BCR: variants seen among roughly 807,000 people sequenced by gnomAD.
The protein encoded by BCR is BCR activator of RhoGEF and GTPase.
In BCR, 58 loss-of-function variants were observed where a neutral mutation model predicts 138.6. The observed-to-expected ratio is 0.42, with a 90% confidence interval of 0.34 to 0.52. BCR has a LOEUF of 0.52. Ranked by LOEUF, BCR falls within the 20% of genes least tolerant of loss-of-function variation. The pLI, the probability that BCR is intolerant of heterozygous loss-of-function variation, is 0.06. For missense variants in BCR, 1,599 were observed against 1,727.2 expected (o/e 0.93, Z 1.32); for synonymous variants, 786 against 730.1 (o/e 1.08, Z -1.23).
At chr22:23,311,987 A>C in intron 19 of BCR, 151 bp downstream of exon 19, 2 of 1,402,546 alleles carry the variant, frequency 1.4e-6, no homozygotes, top group South Asian at 3.1e-5. Flanking sequence ...AGAGAAGACA[A>C]GAGTTGTAGA....
intron 11 of BCR, 89 bp downstream of exon 11, chr22:23,287,367 C>A (rs774101307): frequency 1.4e-6 from 2 of 1,437,686 alleles, no homozygotes; most frequent in Non-Finnish European, 1.8e-6. Flanking sequence ...CACTTGGATG[C>A]GCCCCACTCT....
At chr22:23,263,319 T>G (rs2073393720) in intron 4 of BCR, 1 of 1,181,384 alleles carries the variant, frequency 8.5e-7, no homozygotes, top group Non-Finnish European at 1.2e-6. Flanking sequence ...CTTCACCAAC[T>G]GCGACCTGCT....
At chr22:23,279,803 G>A (rs1039066710) in intron 8 of BCR, among the ~76,000 whole-genome samples, 1 of 152,210 alleles carries the variant, frequency 6.6e-6, no homozygotes, top group Admixed American at 6.5e-5. Context: ...GGAGCATGTC[G>A]TAGTCGGTTC....
intron 1 of BCR, among the ~76,000 whole-genome samples, chr22:23,224,608 GC>G (rs1408062197): frequency 6.6e-6 from 1 of 152,224 alleles, no homozygotes; most frequent in Admixed American, 6.5e-5. Flanking sequence ...GAGGCCGGGG[GC>G]TGTAGCTCAC....
At chr22:23,285,569 T>G (rs769213763) in intron 10 of BCR, among the ~76,000 whole-genome samples, 1 of 152,200 alleles carries the variant, frequency 6.6e-6, no homozygotes, top group African/African-American at 2.4e-5. Context: ...GAGAGAAACT[T>G]GTTTAAACTG....
intron 4 of BCR, among the ~76,000 whole-genome samples, chr22:23,267,130 G>A (rs768059739): frequency 2.0e-5 from 3 of 152,166 alleles, no homozygotes; most frequent in East Asian, 1.9e-4. Context: ...GGGCAGCGCC[G>A]TGTCTGAATT....
intron 8 of BCR, among the ~76,000 whole-genome samples, chr22:23,276,866 G>A (rs938268704): frequency 2.0e-5 from 3 of 152,248 alleles, no homozygotes; most frequent in Admixed American, 2.0e-4. Context: ...TACTGATTTG[G>A]GGACACCCTT....
intron 19 of BCR, among the ~76,000 whole-genome samples, chr22:23,312,140 G>C (rs773583534): frequency 6.6e-6 from 1 of 152,216 alleles, no homozygotes; most frequent in Non-Finnish European, 1.5e-5. Context: ...AGTGCAGTCT[G>C]TCCCCTGCCA....
chr22:23,244,418 A>G (rs1452564642), intron 1 of BCR, among the ~76,000 whole-genome samples: 1 of 152,148 alleles, frequency 6.6e-6, no homozygotes, highest in Non-Finnish European at 1.5e-5. Flanking sequence ...TGGTGTCCTC[A>G]GGGGAGCCAG....
chr22:23,206,667 T>C (rs8138947), intron 1 of BCR, among the ~76,000 whole-genome samples: 10,627 of 151,582 alleles, frequency 0.07, 1,239 homozygotes, highest in African/African-American at 0.24. Flanking sequence ...GTGTTAAAAC[T>C]CAGAAACCTT....
intron 2 of BCR, among the ~76,000 whole-genome samples, chr22:23,256,694 G>A (rs982402067): frequency 6.6e-6 from 1 of 152,124 alleles, no homozygotes; most frequent in African/African-American, 2.4e-5. Flanking sequence ...AGATTAGGGG[G>A]ACTAGGAGGA....
In BCR at chr22:23,292,155, C is replaced by T. The variant is rs115335199; in HGVS notation, c.2783-386C>T. 7.8e-3 allele frequency among the ~76,000 whole-genome samples: 1,192 copies of T among 152,282 alleles called. 19 individuals carry two copies. Among genetic ancestry groups the T allele is most frequent in the African/African-American group, 0.027 (1,130 of 41,550 alleles). ...GGTCTGCTCTGATTGTAGGGGCTTC[C>T]CACATCCCCCAGGATGGCTGCCCTC... On this transcript the variant is annotated intron_variant, in intron 14 of 22. Coordinates refer to ENST00000305877, the MANE Select transcript of BCR (RefSeq NM_004327.4).
At chr22:23,200,136 C>G (rs898714876) in intron 1 of BCR, among the ~76,000 whole-genome samples, 1 of 151,620 alleles carries the variant, frequency 6.6e-6, no homozygotes, top group African/African-American at 2.4e-5. Flanking sequence ...ATGATACTGA[C>G]GAGACCTTGG....
chr22:23,305,113 TAAAAA>T (rs131687), intron 16 of BCR, among the ~76,000 whole-genome samples: 9 of 141,414 alleles, frequency 6.4e-5, no homozygotes, highest in Admixed American at 1.4e-4. Context: ...GACTCCGCCT[TAAAAA>T]AAAAAAAAAA....
At position 23,314,015 on chromosome 22, in the gene BCR, C is replaced by T. The variant is rs1301451798; in HGVS notation, c.3505C>T (p.Leu1169=). The T allele has an allele frequency of 4.3e-6, 7 of 1,613,854 alleles. No homozygotes were observed. The highest frequency in any genetic ancestry group is 4.0e-5 in the African/African-American group (3 of 74,904). ...GGAGAGCTGCATGCTCAACCTGCTG[C>T]TGTCCCTGCCGGAGGCCAACCTGCT... The part of the protein sequence containing the change: ...AKESCMLNLL[L]SLPEANLLTF... The change falls in exon 21 of 23, where the codon CTG becomes TTG. Residue 1169 remains leucine, a synonymous_variant. Coordinates refer to ENST00000305877, the MANE Select transcript of BCR (RefSeq NM_004327.4).
intron 1 of BCR, 65 bp downstream of exon 1, chr22:23,182,304 G>A: frequency 3.5e-6 from 5 of 1,447,284 alleles, no homozygotes; most frequent in Non-Finnish European, 3.6e-6. Flanking sequence ...AGACGAGTAG[G>A]GGATACAAAA....
chr22:23,292,175 G>A (rs1483548260), intron 14 of BCR, among the ~76,000 whole-genome samples: 1 of 152,180 alleles, frequency 6.6e-6, no homozygotes, highest in African/African-American at 2.4e-5. Context: ...CAGGATGGCT[G>A]CCCTCTGCTG....
chr22:23,192,935 C>T (rs997174432), intron 1 of BCR, among the ~76,000 whole-genome samples: 1 of 152,120 alleles, frequency 6.6e-6, no homozygotes, highest in Non-Finnish European at 1.5e-5. Context: ...GGGAAGGAAC[C>T]ATCTCCAGGC....
intron 1 of BCR, chr22:23,217,044 G>C (rs115907385): frequency 1.1e-5 from 5 of 450,748 alleles, no homozygotes; most frequent in African/African-American, 2.0e-5. Flanking sequence ...GTGGACACAC[G>C]GCGTGGACAC....
Sources: gnomAD v4.1 joint callset for allele counts (sites outside exome capture counted in the v4.1 genomes callset) on GRCh38, gnomAD v4.1.1 for gene constraint, MANE v1.5 for transcripts, NCBI Gene and HGNC (gene_info 2026-07-23, HGNC 2026-07-21) for gene names.